Variants in GABRB1 observed in about 807,000 individuals in gnomAD.
The protein encoded by GABRB1 is gamma-aminobutyric acid type A receptor subunit beta1.
A neutral mutation model predicts 51.6 loss-of-function variants in GABRB1; 17 were observed. The observed-to-expected ratio is 0.33, with a 90% CI of 0.23 to 0.49. The LOEUF (loss-of-function observed/expected upper bound fraction) is 0.49, where lower values mean the gene tolerates loss of function less well. Ranked by LOEUF, GABRB1 falls within the 20% of genes least tolerant of loss-of-function variation. The pLI, the probability that GABRB1 is intolerant of heterozygous loss-of-function variation, is 0.99. For synonymous variants in GABRB1, 247 were observed against 218.9 expected, an observed-to-expected ratio of 1.13 and a Z score of -1.14; for missense variants, 410 against 600.6, an observed-to-expected ratio of 0.68 and a Z score of 3.32.
chr4:47,316,824 A>G (rs1466549154), intron 4 of GABRB1, among the ~76,000 whole-genome samples: 4 of 152,044 alleles, frequency 2.6e-5, no homozygotes, highest in African/African-American at 9.6e-5. Flanking sequence ...CAAGTACTTC[A>G]CTATTTATAA....
rs115434120 is a variant in GABRB1, at chr4:47,282,782, T to C, written c.462-37345T>C. Among the ~76,000 whole-genome samples, 1,262 of 152,348 alleles carry C rather than the reference T, an allele frequency of 8.3e-3. 14 individuals carry two copies. The highest frequency in any genetic ancestry group is 0.029 in the African/African-American group (1,197 of 41,570). On this transcript the variant is annotated intron_variant, in intron 4 of 8. Coordinates refer to ENST00000295454, the MANE Select transcript of GABRB1 (RefSeq NM_000812.4). ...TAAAATAAGCACATAAGAAAGATTT[T>C]ACTTAATTCATTAATTAATGTTGGA...
chr4:47,159,903 G>A (rs529381255), intron 3 of GABRB1, among the ~76,000 whole-genome samples: 4 of 152,084 alleles, frequency 2.6e-5, no homozygotes, highest in African/African-American at 4.8e-5. Context: ...AGTCACTAAG[G>A]CATTCACAAA....
At position 47,038,416 on chromosome 4, in the gene GABRB1, A is replaced by T. The variant is rs780678078; in HGVS notation, c.240+5932A>T. ...TGGTTTATATTGTATTGAACATTAG[A>T]GCCAAGACTAAATTGGAATTATTTC... On this transcript the variant is annotated intron_variant, in intron 3 of 8. Transcript: ENST00000295454. Among the ~76,000 whole-genome samples, 11 of 152,236 alleles carry T rather than the reference A, an allele frequency of 7.2e-5. 1 individual carries two copies. The highest frequency in any genetic ancestry group is 1.3e-4 in the Admixed American group (2 of 15,286).
chr4:47,425,727 G>T lies in GABRB1; in HGVS notation c.1134G>T (p.Thr378=). The change falls in exon 9 of 9, where the codon ACG becomes ACT. Residue 378 remains threonine, a synonymous_variant. Transcript: ENST00000295454. ...GCACCCTGGAAATCCGGAATGAGAC[G>T]AGTGGCTCGGAAGTGCTCACGAGCG... ...LLSTLEIRNE[T]SGSEVLTSVS... 1 of 1,613,882 alleles carries T rather than the reference G, an allele frequency of 6.2e-7. No homozygotes were observed. The highest frequency in any genetic ancestry group is 8.5e-7 in the Non-Finnish European group (1 of 1,179,912).
chr4:47,047,079 A>T (rs1370363969), intron 3 of GABRB1, among the ~76,000 whole-genome samples: 1 of 152,148 alleles, frequency 6.6e-6, no homozygotes, highest in Non-Finnish European at 1.5e-5. Context: ...TAATCTGTAC[A>T]ACAAACCCCC....
At chr4:47,050,450 T>C (rs951105026) in intron 3 of GABRB1, among the ~76,000 whole-genome samples, 4 of 152,142 alleles carry the variant, frequency 2.6e-5, no homozygotes, top group Non-Finnish European at 5.9e-5. Context: ...TACATACATA[T>C]ATTTTTTTTA....
intron 8 of GABRB1, among the ~76,000 whole-genome samples, chr4:47,423,451 G>A (rs571282690): frequency 6.6e-6 from 1 of 152,156 alleles, no homozygotes; most frequent in Admixed American, 6.6e-5. Flanking sequence ...CTTGGTCCCC[G>A]TAGGTGGCTG....
At chr4:47,238,359 TTAAC>T (rs1241705696) in intron 4 of GABRB1, among the ~76,000 whole-genome samples, 1 of 152,134 alleles carries the variant, frequency 6.6e-6, no homozygotes, top group African/African-American at 2.4e-5. Context: ...GAACACAAAA[TTAAC>T]TATTTTTTAG....
chr4:47,177,619 G>T (rs777267651), intron 4 of GABRB1, among the ~76,000 whole-genome samples: 10 of 151,996 alleles, frequency 6.6e-5, no homozygotes, highest in African/African-American at 2.2e-4. Context: ...TCTCTTCAGA[G>T]GTAGGTAACC....
At chr4:47,219,884 T>C (rs1042868477) in intron 4 of GABRB1, among the ~76,000 whole-genome samples, 2 of 151,922 alleles carry the variant, frequency 1.3e-5, no homozygotes, top group Admixed American at 6.6e-5. Flanking sequence ...TCTTTCAGAT[T>C]ACCACATCTA....
intron 3 of GABRB1, among the ~76,000 whole-genome samples, chr4:47,133,252 T>C (rs1050500374): frequency 6.6e-6 from 1 of 152,218 alleles, no homozygotes; most frequent in Non-Finnish European, 1.5e-5. Context: ...GATTGAAATG[T>C]GATAGAAACT....
chr4:47,246,329 CATATGTACATATAT>C (rs1560295642), intron 4 of GABRB1, among the ~76,000 whole-genome samples: 28 of 29,022 alleles, frequency 9.6e-4, no homozygotes, highest in Non-Finnish European at 1.5e-3. Flanking sequence ...CACACACACA[CATATGTACATATAT>C]ATATATATAT....
chr4:47,095,443 G>A (rs7663591), intron 3 of GABRB1, among the ~76,000 whole-genome samples: 17,142 of 152,094 alleles, frequency 0.11, 1,273 homozygotes, highest in African/African-American at 0.21. Flanking sequence ...CTACGTCTGC[G>A]AAGCCTGGTT....
chr4:47,324,910 T>C (rs1207772372), intron 5 of GABRB1, among the ~76,000 whole-genome samples: 1 of 152,260 alleles, frequency 6.6e-6, no homozygotes, highest in Non-Finnish European at 1.5e-5. Context: ...GCTGATCCGT[T>C]CTATTGCAAG....
At chr4:47,359,708 A>G (rs537864353) in intron 5 of GABRB1, among the ~76,000 whole-genome samples, 18 of 152,226 alleles carry the variant, frequency 1.2e-4, no homozygotes, top group Non-Finnish European at 2.1e-4. Flanking sequence ...CTGTAAGCCT[A>G]GCTCTCAAGT....
chr4:47,397,255 G>A (rs777926066), intron 5 of GABRB1, among the ~76,000 whole-genome samples: 2 of 151,972 alleles, frequency 1.3e-5, no homozygotes, highest in African/African-American at 4.8e-5. Flanking sequence ...GTATAAGCAT[G>A]GTCATATTTT....
At chr4:47,063,617 G>A (rs1288894173) in intron 3 of GABRB1, among the ~76,000 whole-genome samples, 1 of 152,090 alleles carries the variant, frequency 6.6e-6, no homozygotes, top group Non-Finnish European at 1.5e-5. Flanking sequence ...GTAGAAAGAG[G>A]AGTGAAAAAC....
intron 5 of GABRB1, among the ~76,000 whole-genome samples, chr4:47,324,252 A>T (rs1422509379): frequency 1.3e-5 from 2 of 152,140 alleles, no homozygotes; most frequent in East Asian, 1.9e-4. Flanking sequence ...TCACAGGAAG[A>T]TGTGTTTCTA....
intron 5 of GABRB1, among the ~76,000 whole-genome samples, chr4:47,320,635 A>G (rs2109963238): frequency 6.6e-6 from 1 of 152,310 alleles, no homozygotes. Flanking sequence ...TTTCCTCATG[A>G]AAAGAAAAAG....
Sources: gnomAD v4.1 joint callset for allele counts (sites outside exome capture counted in the v4.1 genomes callset) on GRCh38, gnomAD v4.1.1 for gene constraint, MANE v1.5 for transcripts, NCBI Gene and HGNC (gene_info 2026-07-23, HGNC 2026-07-21) for gene names.